Variants in GALNT13 observed in about 807,000 individuals in gnomAD.
The protein encoded by GALNT13 is UDP-GalNAc:polypeptide N-acetylgalactosaminyltransferase 13.
GALNT13 carries 28 observed loss-of-function variants against 64.2 expected under a neutral mutation model. That is an observed-to-expected ratio of 0.44 (90% CI 0.32 to 0.60). The LOEUF (loss-of-function observed/expected upper bound fraction) is 0.60, where lower values mean the gene tolerates loss of function less well. Among genes scored for constraint, GALNT13 ranks in the 20% least tolerant of loss-of-function variants. GALNT13 has a pLI of 0.05. For synonymous variants in GALNT13, 214 were observed against 224.6 expected, an observed-to-expected ratio of 0.95 and a Z score of 0.42; for missense variants, 577 against 669.8, an observed-to-expected ratio of 0.86 and a Z score of 1.53.
At chr2:153,841,828 T>C in the GALNT13 span, among the ~76,000 whole-genome samples, 2 of 152,208 alleles carry the variant, frequency 1.3e-5, no homozygotes, top group Non-Finnish European at 2.9e-5. Context: ...TATAACAATA[T>C]ATTTTTGGGA....
chr2:153,702,578 C>G, the GALNT13 span, among the ~76,000 whole-genome samples: 2 of 152,008 alleles, frequency 1.3e-5, no homozygotes, highest in African/African-American at 4.8e-5. Flanking sequence ...ATTTAGACAA[C>G]AAGATCGATT....
chr2:154,052,610 C>T (rs1033764442), intron 3 of GALNT13, among the ~76,000 whole-genome samples: 2 of 152,050 alleles, frequency 1.3e-5, no homozygotes, highest in Non-Finnish European at 1.5e-5. Flanking sequence ...CTTTCTTCAA[C>T]AGTGCTCAGC....
At chr2:153,670,346 G>A in the GALNT13 span, among the ~76,000 whole-genome samples, 100 of 152,322 alleles carry the variant, frequency 6.6e-4, no homozygotes, top group African/African-American at 2.3e-3. Flanking sequence ...AGATTCCAGA[G>A]GAAGGGTCAG....
chr2:153,752,861 C>T, the GALNT13 span, among the ~76,000 whole-genome samples: 3 of 152,118 alleles, frequency 2.0e-5, no homozygotes, highest in African/African-American at 7.2e-5. Context: ...TCTGTCTCCT[C>T]TTTAAGGCCA....
intron 9 of GALNT13, among the ~76,000 whole-genome samples, chr2:154,357,252 C>T (rs1696804439): frequency 6.6e-6 from 1 of 151,998 alleles, no homozygotes. Context: ...TTCTTTGTAG[C>T]ACTCTTGGAT....
intron 12 of GALNT13, among the ~76,000 whole-genome samples, chr2:154,446,161 T>C (rs192061696): frequency 6.6e-6 from 1 of 152,138 alleles, no homozygotes; most frequent in Admixed American, 6.6e-5. Flanking sequence ...ATTTATTTAA[T>C]TTTAGGGTGA....
the GALNT13 span, among the ~76,000 whole-genome samples, chr2:153,399,675 T>C: frequency 6.6e-6 from 1 of 151,760 alleles, no homozygotes. Context: ...TATTTTATTC[T>C]CTTTGAAGCA....
At chr2:153,716,010 A>C in the GALNT13 span, among the ~76,000 whole-genome samples, 3 of 152,206 alleles carry the variant, frequency 2.0e-5, no homozygotes, top group Non-Finnish European at 2.9e-5. Context: ...TTGAAAGGGT[A>C]ATGATAAACG....
At position 154,196,224 on chromosome 2, in the gene GALNT13, C is replaced by CA. The variant is rs139596692; in HGVS notation, c.312-45794dup. Among the ~76,000 whole-genome samples, 1,055 of 130,492 alleles carry CA rather than the reference C, an allele frequency of 8.1e-3. 10 individuals are homozygous for CA. The highest frequency in any genetic ancestry group is 0.022 in the South Asian group (80 of 3,562). 85.6% of individuals were successfully genotyped at this position (130,492 alleles called of 152,430 possible). A position where few individuals can be genotyped will look rare whatever the true frequency, so the allele number is the denominator to read the frequency against. On this transcript the variant is annotated intron_variant, in intron 4 of 12. Transcript: ENST00000392825. ...TCAGTCTTAGAAATGATCTGATACT[C>CA]AAAAAAAAAAAACAACTCTCATGAA... is the stretch of plus-strand genomic sequence containing the variant.
intron 3 of GALNT13, among the ~76,000 whole-genome samples, chr2:154,099,739 A>G (rs1182721057): frequency 6.6e-6 from 1 of 152,072 alleles, no homozygotes. Context: ...AAAGTTCAAG[A>G]CCAGCTCAGG....
At chr2:154,321,835 T>G (rs185622912) in intron 9 of GALNT13, among the ~76,000 whole-genome samples, 1 of 152,290 alleles carries the variant, frequency 6.6e-6, no homozygotes, top group Non-Finnish European at 1.5e-5. Flanking sequence ...TTAAGTAACA[T>G]ATATGTTACA....
intron 1 of GALNT13, among the ~76,000 whole-genome samples, chr2:153,882,787 C>T (rs1259778858): frequency 6.6e-6 from 1 of 151,766 alleles, no homozygotes; most frequent in African/African-American, 2.4e-5. Context: ...TCTCACCACA[C>T]CCAGCTAACT....
chr2:153,747,845 G>A, the GALNT13 span, among the ~76,000 whole-genome samples: 33 of 152,200 alleles, frequency 2.2e-4, no homozygotes, highest in African/African-American at 7.9e-4. Flanking sequence ...TGTTGCAAAT[G>A]ACAGGATCTC....
chr2:153,282,649 C>G, the GALNT13 span, among the ~76,000 whole-genome samples: 3 of 152,122 alleles, frequency 2.0e-5, no homozygotes, highest in Admixed American at 1.3e-4. Flanking sequence ...CTCCTGGGCT[C>G]AAGCAGTTTG....
At chr2:154,316,087 C>T (rs1665289801) in intron 9 of GALNT13, among the ~76,000 whole-genome samples, 1 of 150,912 alleles carries the variant, frequency 6.6e-6, no homozygotes, top group South Asian at 2.1e-4. Context: ...GATTCAGTCT[C>T]AAAAAAATTA....
the GALNT13 span, among the ~76,000 whole-genome samples, chr2:153,157,085 A>G: frequency 6.6e-6 from 1 of 152,204 alleles, no homozygotes; most frequent in Non-Finnish European, 1.5e-5. Flanking sequence ...TGGAGAAGAA[A>G]TGTCTAGCAA....
intron 4 of GALNT13, among the ~76,000 whole-genome samples, chr2:154,156,106 A>G (rs1480185788): frequency 6.6e-6 from 1 of 151,666 alleles, no homozygotes; most frequent in Non-Finnish European, 1.5e-5. Flanking sequence ...AGACATTTTC[A>G]CTAAAATGTC....
At chr2:153,737,031 G>A in the GALNT13 span, among the ~76,000 whole-genome samples, 2 of 152,208 alleles carry the variant, frequency 1.3e-5, no homozygotes, top group Non-Finnish European at 2.9e-5. Context: ...AATATTCTAT[G>A]TTGTTCTATC....
the GALNT13 span, among the ~76,000 whole-genome samples, chr2:153,633,837 A>G: frequency 6.6e-6 from 1 of 152,216 alleles, no homozygotes; most frequent in African/African-American, 2.4e-5. Flanking sequence ...AAACATTTAT[A>G]GTACTTTTTT....
Sources: allele counts gnomAD v4.1 joint callset (sites outside exome capture counted in the v4.1 genomes callset), GRCh38; gene constraint gnomAD v4.1.1; transcripts MANE v1.5; gene names NCBI Gene and HGNC (gene_info 2026-07-23, HGNC 2026-07-21).